AKAP6: variants seen among roughly 807,000 people sequenced by gnomAD.
The protein encoded by AKAP6 is A-kinase anchor protein 6.
A neutral mutation model predicts 188.5 loss-of-function variants in AKAP6; 58 were observed. The ratio of observed to expected loss-of-function variants is 0.31; its 90% CI spans 0.25 to 0.38. The LOEUF is 0.38. Among genes scored for constraint, AKAP6 ranks in the 10% least tolerant of loss-of-function variants. The pLI is 1.00. For synonymous variants in AKAP6, 989 were observed against 998.6 expected, an observed-to-expected ratio of 0.99 and a Z score of 0.18; for missense variants, 2,710 against 2,740.0, an observed-to-expected ratio of 0.99 and a Z score of 0.24.
intron 2 of AKAP6, among the ~76,000 whole-genome samples, chr14:32,462,877 A>G (rs765700223): frequency 3.0e-5 from 4 of 134,866 alleles, no homozygotes; most frequent in Non-Finnish European, 6.1e-5. Flanking sequence ...GGTATGGAGG[A>G]ATATTTACCA....
At chr14:32,600,150 G>A (rs1885864061) in intron 6 of AKAP6, among the ~76,000 whole-genome samples, 1 of 152,064 alleles carries the variant, frequency 6.6e-6, no homozygotes. Flanking sequence ...AGCTAAATAG[G>A]AAAAAGACAG....
chr14:32,618,556 G>A (rs565109988), intron 7 of AKAP6, among the ~76,000 whole-genome samples: 1 of 152,112 alleles, frequency 6.6e-6, no homozygotes, highest in African/African-American at 2.4e-5. Flanking sequence ...GTAGTATTCC[G>A]TGGTGTATGT....
At chr14:32,745,481 C>G (rs1594903776) in intron 11 of AKAP6, among the ~76,000 whole-genome samples, 7 of 140,440 alleles carry the variant, frequency 5.0e-5, no homozygotes, top group Admixed American at 7.0e-5. Context: ...CTCTCTCTCT[C>G]TCTCTCTCTC....
intron 1 of AKAP6, among the ~76,000 whole-genome samples, chr14:32,372,669 A>G (rs888454722): frequency 6.6e-6 from 1 of 151,976 alleles, no homozygotes; most frequent in Non-Finnish European, 1.5e-5. Flanking sequence ...AATTTTTCTG[A>G]AAACACTAGT....
chr14:32,424,611 C>T (rs1449698741), intron 1 of AKAP6, among the ~76,000 whole-genome samples: 3 of 151,920 alleles, frequency 2.0e-5, no homozygotes, highest in Non-Finnish European at 4.4e-5. Context: ...TGTATTAAGC[C>T]TAGTATCCAT....
intron 12 of AKAP6, among the ~76,000 whole-genome samples, chr14:32,800,998 CAG>C (rs770487525): frequency 2.0e-5 from 3 of 152,112 alleles, no homozygotes; most frequent in Non-Finnish European, 1.5e-5. Flanking sequence ...GCCTGGGCAA[CAG>C]AGTGACACTC....
At chr14:32,609,920 C>G (rs1167818908) in intron 7 of AKAP6, among the ~76,000 whole-genome samples, 1 of 146,746 alleles carries the variant, frequency 6.8e-6, no homozygotes, top group East Asian at 2.0e-4. Context: ...CACACACACA[C>G]ACGTTCATTC....
chr14:32,500,165 C>T (rs1459916704), intron 2 of AKAP6, among the ~76,000 whole-genome samples: 1 of 152,094 alleles, frequency 6.6e-6, no homozygotes, highest in African/African-American at 2.4e-5. Context: ...ACTCACTTAA[C>T]ATGTTTCATC....
chr14:32,827,965 T>C (rs866470564), intron 13 of AKAP6, among the ~76,000 whole-genome samples: 1 of 152,184 alleles, frequency 6.6e-6, no homozygotes, highest in Non-Finnish European at 1.5e-5. Flanking sequence ...TTTTACTATG[T>C]GTATGTGTAT....
intron 4 of AKAP6, among the ~76,000 whole-genome samples, chr14:32,564,922 AT>A (rs1271995505): frequency 2.6e-5 from 4 of 152,196 alleles, no homozygotes; most frequent in African/African-American, 7.2e-5. Context: ...CTTTGAGGAA[AT>A]CCCTTTTCTC....
intron 9 of AKAP6, among the ~76,000 whole-genome samples, chr14:32,701,207 T>A (rs1057512687): frequency 6.6e-6 from 1 of 152,076 alleles, no homozygotes; most frequent in Non-Finnish European, 1.5e-5. Context: ...ATAAATATTT[T>A]AAAAACATAA....
intron 7 of AKAP6, among the ~76,000 whole-genome samples, chr14:32,664,044 T>A (rs1888816362): frequency 6.6e-6 from 1 of 152,030 alleles, no homozygotes; most frequent in South Asian, 2.1e-4. Flanking sequence ...AAAAAAATAA[T>A]AACTGAGATA....
Position 32,506,867 on chromosome 14 carries a change from G to A in AKAP6, c.325-28687G>A, listed in dbSNP as rs556596573. 4.6e-5 allele frequency among the ~76,000 whole-genome samples: 7 copies of A among 152,012 alleles called. No homozygotes were observed. The South Asian group carries it at 6.2e-4, about 14-fold the overall frequency. The stretch of plus-strand genomic sequence containing the variant: ...AGTTCTTTTACCTCAAAAAAATTGC[G>A]CATCTCTTTTTCTCTGTGTGCATGT... On this transcript the variant is annotated intron_variant, in intron 2 of 13. Transcript: ENST00000280979.
chr14:32,418,018 C>T (rs1314836751), intron 1 of AKAP6: 1 of 152,068 alleles, frequency 6.6e-6, no homozygotes, highest in East Asian at 1.9e-4. Context: ...GGCCAAAGAG[C>T]ACAATGAATA....
Position 32,822,187 on chromosome 14 carries a change from A to G in AKAP6, c.4374A>G (p.Leu1458=), listed in dbSNP as rs781416539. The change falls in exon 13 of 14, where the codon TTA becomes TTG. Residue 1458 remains leucine (L), a synonymous_variant. Transcript: ENST00000280979. ...CCCCTGACTGTTTGGGAGAAGAATTACAAGGAAAACATGATGTGTTTACAT... is the reference window on the plus strand; with the variant it reads ...CCCCTGACTGTTTGGGAGAAGAATTGCAAGGAAAACATGATGTGTTTACAT... The part of the protein sequence containing the change: ...KHTPDCLGEE[L]QGKHDVFTFY... 3 of 1,613,782 alleles carry G rather than the reference A, an allele frequency of 1.9e-6. No homozygotes were observed. The highest frequency in any genetic ancestry group is 2.5e-6 in the Non-Finnish European group (3 of 1,179,912).
chr14:32,351,026 A>G (rs1412755483), intron 1 of AKAP6, among the ~76,000 whole-genome samples: 1 of 151,984 alleles, frequency 6.6e-6, no homozygotes, highest in East Asian at 1.9e-4. Context: ...TTTTTTGTCT[A>G]CTAAACCCGG....
chr14:32,566,391 C>T (rs752044081), intron 4 of AKAP6, among the ~76,000 whole-genome samples: 4 of 151,820 alleles, frequency 2.6e-5, no homozygotes, highest in Non-Finnish European at 5.9e-5. Flanking sequence ...ATTGATAAAG[C>T]TCAAAGAAGC....
At chr14:32,565,646 C>T (rs12147476) in intron 4 of AKAP6, among the ~76,000 whole-genome samples, 2,822 of 152,358 alleles carry the variant, frequency 0.019, 41 homozygotes, top group Middle Eastern at 0.031. Context: ...CAGATTCTCT[C>T]ACACTCTGCA....
intron 2 of AKAP6, among the ~76,000 whole-genome samples, chr14:32,476,672 A>G (rs1190396704): frequency 2.0e-5 from 3 of 152,054 alleles, no homozygotes; most frequent in Non-Finnish European, 4.4e-5. Context: ...ATAGGGAGGG[A>G]TTTTCCGTAA....
Sources: gnomAD v4.1 joint callset for allele counts (sites outside exome capture counted in the v4.1 genomes callset) on GRCh38, gnomAD v4.1.1 for gene constraint, MANE v1.5 for transcripts, NCBI Gene and HGNC (gene_info 2026-07-23, HGNC 2026-07-21) for gene names.